The following GATA1 variants were observed in gnomAD, a reference collection of about 807,000 sequenced individuals.
GATA1 encodes erythroid transcription factor.
GATA1 carries 2 observed loss-of-function variants against 18.9 expected under a neutral mutation model. That is an observed-to-expected ratio of 0.11 (90% confidence interval 0.04 to 0.33). The LOEUF (loss-of-function observed/expected upper bound fraction) is 0.33, where lower values mean the gene tolerates loss of function less well. Among genes scored for constraint, GATA1 ranks in the 10% least tolerant of loss-of-function variants. The pLI, the probability that GATA1 is intolerant of heterozygous loss-of-function variation, is 1.00. For missense variants in GATA1, 272 were observed against 344.7 expected (o/e 0.79, Z 1.67); for synonymous variants, 152 against 149.1 (o/e 1.02, Z -0.14).
chrX:48,787,260 G>C (rs1229491932), intron 1 of GATA1, among the ~76,000 whole-genome samples: 8 of 110,924 alleles, frequency 7.2e-5, no homozygotes, highest in African/African-American at 2.6e-4. Context: ...TGCCTGCTCA[G>C]TAAAATATCT....
chrX:48,792,122 G>C lies in GATA1; in HGVS notation c.499G>C (p.Asp167His), dbSNP rs782265153. 5 of 1,211,212 alleles carry C rather than the reference G, an allele frequency of 4.1e-6. No homozygotes were observed. The East Asian group carries it at 1.5e-4, about 36-fold the overall frequency. ...CCCCAATAGTGCTTATGGGGGCCCT[G>C]ACTTTTCCAGTACCTTCTTTTCTCC... is the stretch of plus-strand genomic sequence containing the variant. ...PVPNSAYGGP[D>H]FSSTFFSPTG... The change falls in exon 3 of 6, where the codon GAC (aspartate) becomes CAC (histidine). Residue 167 changes from aspartate (D) to histidine (H), a missense_variant. Around this residue, in one of 3 missense-constraint regions of GATA1, gnomAD observed 147 missense variants for 157.4 expected, o/e 0.93. Coordinates refer to ENST00000376670, the MANE Select transcript of GATA1 (RefSeq NM_002049.4).
chrX:48,788,155 TTGAGGGGA>T (rs1165788891), intron 1 of GATA1, among the ~76,000 whole-genome samples: 1 of 103,391 alleles, frequency 9.7e-6, no homozygotes, highest in Non-Finnish European at 2.0e-5. Context: ...TAAGGTGGAG[TTGAGGGGA>T]TGAGGGAATA....
In GATA1 at chrX:48,791,270, C is replaced by A; in HGVS notation, c.161C>A (p.Thr54Asn). The change falls in exon 2 of 6, where the codon ACC becomes AAC. Residue 54 changes from threonine to asparagine, a missense_variant. Coordinates refer to ENST00000376670, the MANE Select transcript of GATA1 (RefSeq NM_002049.4). ...AASSTAPSTA[T>N]AAAAALAYYR... ...TCCTCCACTGCCCCGAGCACAGCCA[C>A]CGCTGCAGCTGCGGCACTGGCCTAC... The A allele has an allele frequency of 8.3e-7, 1 of 1,207,460 alleles. No homozygotes were observed. The highest frequency in any genetic ancestry group is 1.1e-6 in the Non-Finnish European group (1 of 893,466).
At chrX:48,789,135 C>T (rs1252774128) in intron 1 of GATA1, among the ~76,000 whole-genome samples, 1 of 111,172 alleles carries the variant, frequency 9.0e-6, no homozygotes, top group Non-Finnish European at 1.9e-5. Flanking sequence ...GGCAAAACCT[C>T]GTCTTTACTA....
At chrX:48,792,966 C>G (rs1415142756) in intron 4 of GATA1, among the ~76,000 whole-genome samples, 3 of 111,273 alleles carry the variant, frequency 2.7e-5, no homozygotes, top group African/African-American at 9.8e-5. Context: ...AATGTAGTCC[C>G]CCATAGAATA....
At position 48,791,510 on chromosome X, in the gene GATA1, A is replaced by C. The variant is rs182863789; in HGVS notation, c.220+181A>C. ...AGACCTGGGAATTCCAATGCTCCTC[A>C]ACCTGCCATATTGGGGCGGCCACAC... is the stretch of plus-strand genomic sequence containing the variant. On this transcript the variant is annotated intron_variant, in intron 2 of 5. Coordinates refer to ENST00000376670, the MANE Select transcript of GATA1 (RefSeq NM_002049.4). Among the ~76,000 whole-genome samples the C allele has an allele frequency of 2.9e-4, 32 of 112,269 alleles. No individual in the cohort carries two copies. In the South Asian group the frequency reaches 5.9e-3, roughly 21 times the overall value.
rs782690876 is a variant in GATA1 at position 48,793,806 on chromosome X, T to C, written c.884T>C (p.Leu295Pro). 1.7e-6 allele frequency: 2 copies of C among 1,210,918 alleles called. No homozygotes were observed. Among genetic ancestry groups the C allele is most frequent in the Non-Finnish European group, 2.2e-6 (2 of 895,158 alleles). Residue 295 changes from leucine (L) to proline (P), a missense_variant, in exon 6 of 6, where the codon CTG becomes CCG. By Grantham distance (98) the Leu-to-Pro change is moderately conservative. Transcript: ENST00000376670. The stretch of plus-strand genomic sequence containing the variant: ...CCTTTTTGGCAGGTGAACCGGCCAC[T>C]GACCATGCGGAAGGATGGTATTCAG... ...YYKLHQVNRP[L>P]TMRKDGIQTR...
chrX:48,791,120 C>T lies in GATA1; in HGVS notation c.11C>T (p.Pro4Leu), dbSNP rs1557019997. 1 of 1,207,877 alleles carries T rather than the reference C, an allele frequency of 8.3e-7. No homozygotes were observed. The highest frequency in any genetic ancestry group is 1.1e-6 in the Non-Finnish European group (1 of 893,106). Residue 4 changes from proline (P) to leucine (L), a missense_variant, in exon 2 of 6, where the codon CCT becomes CTT. By Grantham distance (98) the Pro-to-Leu change is moderately conservative. Coordinates refer to ENST00000376670, the MANE Select transcript of GATA1 (RefSeq NM_002049.4). MEF[P>L]GLGSLGTSEP... ...ATCCCCAGAGGCTCCATGGAGTTCC[C>T]TGGCCTGGGGTCCCTGGGGACCTCA...
chrX:48,791,450 A>C (rs2062674943), intron 2 of GATA1, 121 bp downstream of exon 2: 3 of 683,367 alleles, frequency 4.4e-6, no homozygotes, highest in African/African-American at 2.2e-5. Flanking sequence ...AAGCTTCTCA[A>C]ATGGATGTGC....
intron 1 of GATA1, among the ~76,000 whole-genome samples, chrX:48,790,052 T>C (rs1602218030): frequency 1.0e-5 from 1 of 96,882 alleles, no homozygotes; most frequent in South Asian, 4.8e-4. Context: ...GGAGAGGAGA[T>C]GGGGAAAGGG....
Position 48,793,169 on chromosome X carries a change from T to C in GATA1, c.745-3T>C. ...ACTGATCTCACATCCTGTCGTCCCC[T>C]AGATTGTCAGTAAACGGGCAGGTAC... On this transcript the variant is annotated splice_polypyrimidine_tract_variant and splice_region_variant and intron_variant, in intron 4 of 5. Transcript: ENST00000376670. 1 of 1,210,190 alleles carries C rather than the reference T, an allele frequency of 8.3e-7. No individual in the cohort carries two copies. Among genetic ancestry groups the C allele is most frequent in the African/African-American group, 1.7e-5 (1 of 57,455 alleles).
At chrX:48,789,872 G>A (rs1460287137) in intron 1 of GATA1, among the ~76,000 whole-genome samples, 3 of 110,339 alleles carry the variant, frequency 2.7e-5, no homozygotes, top group Non-Finnish European at 5.7e-5. Flanking sequence ...CAACAGATAG[G>A]GATGAAGTTG....
chrX:48,794,186 G>C lies in GATA1; in HGVS notation c.*22G>C. The C allele has an allele frequency of 1.7e-6, 2 of 1,192,993 alleles. No homozygotes were observed. The highest frequency in any genetic ancestry group is 2.3e-6 in the Non-Finnish European group (2 of 885,388). On this transcript the variant is annotated 3_prime_UTR_variant, in exon 6 of 6. Coordinates refer to ENST00000376670, the MANE Select transcript of GATA1 (RefSeq NM_002049.4). ...ATGAGGGCACAGAGCATGGCCTCCAGAGGAGGGGTGGTGTCCTTCTCCTCT... is the reference window on the plus strand; with the variant it reads ...ATGAGGGCACAGAGCATGGCCTCCACAGGAGGGGTGGTGTCCTTCTCCTCT...
At chrX:48,787,984 T>A (rs1356876895) in intron 1 of GATA1, among the ~76,000 whole-genome samples, 4 of 111,012 alleles carry the variant, frequency 3.6e-5, no homozygotes, top group Non-Finnish European at 7.6e-5. Context: ...GGAGCTTTCA[T>A]ATCCCCCAGC....
At position 48,794,113 on chromosome X, in the gene GATA1, C is replaced by A. The variant is rs782546475; in HGVS notation, c.1191C>A (p.Gly397=). The change falls in exon 6 of 6, where the codon GGC becomes GGA. Residue 397 remains glycine (G), a synonymous_variant. Coordinates refer to ENST00000376670, the MANE Select transcript of GATA1 (RefSeq NM_002049.4). ...CACCCACGGGCTCCTTCCCCACAGGCCCCATGCCCCCCACCACCAGCACTA... is the reference window on the plus strand; with the variant it reads ...CACCCACGGGCTCCTTCCCCACAGGACCCATGCCCCCCACCACCAGCACTA... ...LGSPTGSFPT[G]PMPPTTSTTV... is the part of the protein sequence containing the mutation. 4 of 1,187,979 alleles carry A rather than the reference C, an allele frequency of 3.4e-6. No individual in the cohort carries two copies. The highest frequency in any genetic ancestry group is 4.6e-5 in the Admixed American group (2 of 43,226).
intron 4 of GATA1, 142 bp downstream of exon 4, chrX:48,792,610 T>C: frequency 1.4e-6 from 1 of 737,177 alleles, no homozygotes. Context: ...TGGGAACCCC[T>C]GTCCCAATAT....
intron 2 of GATA1, 102 bp from the exon 3 acceptor site, chrX:48,791,742 G>C (rs2062675668): frequency 3.0e-6 from 3 of 991,558 alleles, no homozygotes; most frequent in Non-Finnish European, 4.2e-6. Flanking sequence ...CTGGGAACTT[G>C]GCCACCATGT....
At chrX:48,791,046 G>C (rs1215996916) in intron 1 of GATA1, 45 bp from the exon 2 acceptor site, 4 of 894,227 alleles carry the variant, frequency 4.5e-6, no homozygotes, top group African/African-American at 2.0e-5. Flanking sequence ...AAAGGAGGTG[G>C]GGGGGAAGGA....
chrX:48,793,938 G>A lies in GATA1; in HGVS notation c.1016G>A (p.Gly339Glu), dbSNP rs782741534. The A allele has an allele frequency of 1.7e-6, 2 of 1,203,166 alleles. No individual in the cohort carries two copies. Among genetic ancestry groups the A allele is most frequent in the African/African-American group, 3.5e-5 (2 of 57,464 alleles). ...GCTGGTGGCTTTATGGTGGTGGCTG[G>A]GGGCAGCGGTAGCGGGAATTGTGGG... is the stretch of plus-strand genomic sequence containing the variant. ...GPAGGFMVVA[G>E]GSGSGNCGEV... The change falls in exon 6 of 6, where the codon GGG becomes GAG. Residue 339 changes from glycine (G) to glutamate (E), a missense_variant. Transcript: ENST00000376670.
Sources: gnomAD v4.1 joint callset for allele counts (sites outside exome capture counted in the v4.1 genomes callset) on GRCh38, gnomAD v4.1.1 for gene constraint, gnomAD v4.1.1 regional missense constraint, MANE v1.5 for transcripts, NCBI Gene and HGNC (gene_info 2026-07-23, HGNC 2026-07-21) for gene names.